GABBR2: variants seen among roughly 807,000 people sequenced by gnomAD.
GABBR2 encodes gamma-aminobutyric acid type B receptor subunit 2, also known as G-protein coupled receptor 51.
A neutral mutation model predicts 105.6 loss-of-function variants in GABBR2; 23 were observed. The observed-to-expected ratio is 0.22, with a 90% CI of 0.16 to 0.31. The LOEUF (loss-of-function observed/expected upper bound fraction) is 0.31, where lower values mean the gene tolerates loss of function less well. GABBR2 is among the 10% of genes least tolerant of loss of function. GABBR2 has a pLI of 1.00. For synonymous variants in GABBR2, 478 were observed against 499.7 expected, an observed-to-expected ratio of 0.96 and a Z score of 0.58; for missense variants, 734 against 1,245.5, an observed-to-expected ratio of 0.59 and a Z score of 6.18.
At chr9:98,359,238 G>A (rs1410579522) in intron 13 of GABBR2, among the ~76,000 whole-genome samples, 3 of 151,978 alleles carry the variant, frequency 2.0e-5, no homozygotes, top group Non-Finnish European at 4.4e-5. Context: ...GACCAGCCTG[G>A]ACAACACGGT....
At chr9:98,538,338 G>C (rs1294164612) in intron 3 of GABBR2, among the ~76,000 whole-genome samples, 1 of 152,180 alleles carries the variant, frequency 6.6e-6, no homozygotes, top group African/African-American at 2.4e-5. Flanking sequence ...TCCAGAGGGG[G>C]CATGGCAGAG....
At chr9:98,358,359 C>G (rs1831524965) in intron 13 of GABBR2, among the ~76,000 whole-genome samples, 1 of 152,250 alleles carries the variant, frequency 6.6e-6, no homozygotes, top group African/African-American at 2.4e-5. Flanking sequence ...CCTCTCAGCA[C>G]TTGGTTCACT....
chr9:98,536,085 A>C (rs1183072547), intron 3 of GABBR2, among the ~76,000 whole-genome samples: 1 of 152,106 alleles, frequency 6.6e-6, no homozygotes, highest in African/African-American at 2.4e-5. Flanking sequence ...GGGGGCAGGG[A>C]GCGTATGGGA....
intron 13 of GABBR2, among the ~76,000 whole-genome samples, chr9:98,324,619 CA>C (rs1830888426): frequency 6.6e-6 from 1 of 151,980 alleles, no homozygotes; most frequent in African/African-American, 2.4e-5. Context: ...CTGGGAGCCA[CA>C]AAAGTGCAAT....
intron 1 of GABBR2, among the ~76,000 whole-genome samples, chr9:98,619,506 G>A (rs1829639314): frequency 6.6e-6 from 1 of 152,108 alleles, no homozygotes; most frequent in Non-Finnish European, 1.5e-5. Context: ...ATTTACCCAA[G>A]TCAATAAACA....
At chr9:98,438,609 G>C (rs991977822) in intron 7 of GABBR2, among the ~76,000 whole-genome samples, 3 of 152,136 alleles carry the variant, frequency 2.0e-5, no homozygotes, top group Admixed American at 1.3e-4. Context: ...TTGCAAAAGA[G>C]GGTGAATTCA....
chr9:98,426,644 T>C (rs571880838), intron 7 of GABBR2, among the ~76,000 whole-genome samples: 4 of 152,314 alleles, frequency 2.6e-5, no homozygotes, highest in Admixed American at 2.0e-4. Flanking sequence ...TGGGGGACTA[T>C]TGGTTTCATG....
At position 98,519,094 on chromosome 9, in the gene GABBR2, G is replaced by C. The variant is rs113827419; in HGVS notation, c.631-22580C>G. On this transcript the variant is annotated intron_variant, in intron 3 of 18. Coordinates refer to ENST00000259455, the MANE Select transcript of GABBR2 (RefSeq NM_005458.8). Reference sequence around the variant, plus strand: ...GGGGACCAAAATCTAGAGGCACCAAGATTACTGTTATTGCTGCGGCTTGTT... The same window carrying C: ...GGGGACCAAAATCTAGAGGCACCAACATTACTGTTATTGCTGCGGCTTGTT... Among the ~76,000 whole-genome samples, 718 of 152,358 alleles carry C rather than the reference G, an allele frequency of 4.7e-3. 4 individuals carry two copies. The highest frequency in any genetic ancestry group is 8.2e-3 in the Admixed American group (126 of 15,310).
chr9:98,652,435 G>A (rs921378291), intron 1 of GABBR2, among the ~76,000 whole-genome samples: 3 of 152,128 alleles, frequency 2.0e-5, no homozygotes, highest in Non-Finnish European at 4.4e-5. Context: ...CTGAGTCCCT[G>A]AGAGTTTACT....
At chr9:98,648,116 T>TGTGTGTGTGTGTGGATAGATAG in intron 1 of GABBR2, among the ~76,000 whole-genome samples, 2 of 55,948 alleles carry the variant, frequency 3.6e-5, no homozygotes, top group Non-Finnish European at 6.8e-5. Context: ...TGTGTGTGTG[T>TGTGTGTGTGTGTGGATAGATAG]ATAGATAGAT....
intron 11 of GABBR2, among the ~76,000 whole-genome samples, chr9:98,376,053 G>A (rs1162511835): frequency 3.9e-5 from 6 of 152,058 alleles, no homozygotes; most frequent in South Asian, 2.1e-4. Context: ...CCCCCTCTGC[G>A]AACTGCCTTG....
At chr9:98,338,266 A>G (rs1278152594) in intron 13 of GABBR2, among the ~76,000 whole-genome samples, 1 of 152,244 alleles carries the variant, frequency 6.6e-6, no homozygotes, top group Non-Finnish European at 1.5e-5. Context: ...GAAAAAATAT[A>G]TAAATTGCAC....
At chr9:98,486,360 G>A (rs1163540613) in intron 4 of GABBR2, among the ~76,000 whole-genome samples, 1 of 152,198 alleles carries the variant, frequency 6.6e-6, no homozygotes, top group East Asian at 1.9e-4. Context: ...GAAGTGAAAG[G>A]ATATAAATGG....
chr9:98,436,359 AT>A (rs1825917893), intron 7 of GABBR2, among the ~76,000 whole-genome samples: 2 of 3,998 alleles, frequency 5.0e-4, no homozygotes, highest in Non-Finnish European at 1.1e-3. Context: ...ATATATATAT[AT>A]ATATATATAT....
rs1830431949 is a variant in GABBR2 at position 98,299,350 on chromosome 9, C to T, written c.2416G>A (p.Asp806Asn). 6.2e-7 allele frequency: 1 copy of T among 1,613,884 alleles called. No homozygotes were observed. The highest frequency in any genetic ancestry group is 1.7e-5 in the Admixed American group (1 of 59,992). ...ATGGTGACCTCTTCCAAGTCTTTAT[C>T]CAGCTACAAGACAAAGGTTCCAGTT... ...HRLRMKITEL[D>N]KDLEEVTMQL... The change falls in exon 17 of 19, where the codon GAT (aspartate) becomes AAT (asparagine). Residue 806 changes from aspartate to asparagine, a missense_variant. Around this residue, in one of 7 missense-constraint regions of GABBR2, gnomAD observed 91 missense variants for 185.9 expected, o/e 0.49. Coordinates refer to ENST00000259455, the MANE Select transcript of GABBR2 (RefSeq NM_005458.8).
chr9:98,505,714 G>A (rs963496216), intron 3 of GABBR2, among the ~76,000 whole-genome samples: 4 of 152,170 alleles, frequency 2.6e-5, no homozygotes, highest in Admixed American at 6.5e-5. Context: ...GGAAGTCCAC[G>A]TGAAGACAGA....
chr9:98,345,501 C>T (rs1272279195), intron 13 of GABBR2, among the ~76,000 whole-genome samples: 1 of 152,188 alleles, frequency 6.6e-6, no homozygotes, highest in Non-Finnish European at 1.5e-5. Flanking sequence ...CATTAACCTA[C>T]TTAATGGTGA....
At chr9:98,673,590 A>AAC (rs1830433185) in intron 1 of GABBR2, among the ~76,000 whole-genome samples, 1 of 47,824 alleles carries the variant, frequency 2.1e-5, no homozygotes, top group African/African-American at 5.3e-5. Context: ...AAGTTGAAAA[A>AAC]AAAAAACAGG....
At chr9:98,302,281 A>T (rs370145467) in intron 16 of GABBR2, among the ~76,000 whole-genome samples, 1 of 152,166 alleles carries the variant, frequency 6.6e-6, no homozygotes, top group South Asian at 2.1e-4. Flanking sequence ...TTAAAAGGCA[A>T]TCCCTCATGT....
Sources: allele counts gnomAD v4.1 joint callset (sites outside exome capture counted in the v4.1 genomes callset), GRCh38; gene constraint gnomAD v4.1.1; regional missense constraint gnomAD v4.1.1; transcripts MANE v1.5; gene names NCBI Gene and HGNC (gene_info 2026-07-23, HGNC 2026-07-21).